Variants in LOC400499 observed in about 807,000 individuals in gnomAD.
chr16:11,449,927 G>C, the LOC400499 span, among the ~76,000 whole-genome samples: 1 of 152,238 alleles, frequency 6.6e-6, no homozygotes, highest in Non-Finnish European at 1.5e-5. Flanking sequence ...ATGCCCTCTG[G>C]TTGGGTGAAG....
At chr16:11,392,818 AC>A in the LOC400499 span, 2 of 982,162 alleles carry the variant, frequency 2.0e-6, no homozygotes, top group African/African-American at 3.5e-5. Flanking sequence ...CCACAGGAAC[AC>A]ATCACCCCCT....
the LOC400499 span, among the ~76,000 whole-genome samples, chr16:11,483,317 G>T: frequency 6.6e-6 from 1 of 152,088 alleles, no homozygotes; most frequent in African/African-American, 2.4e-5. Context: ...TTATTCAAGA[G>T]AAACAAAAGC....
At chr16:11,398,479 T>C in the LOC400499 span, 1 of 1,232,270 alleles carries the variant, frequency 8.1e-7, no homozygotes, top group Non-Finnish European at 1.0e-6. Context: ...GCCTCCATGA[T>C]GATCTTGTCT....
chr16:11,460,537 G>C, the LOC400499 span: 1 of 1,535,598 alleles, frequency 6.5e-7, no homozygotes, highest in Non-Finnish European at 8.7e-7. Context: ...CCAGCCTGTA[G>C]GCACCGTCTG....
chr16:11,525,145 G>A, the LOC400499 span, among the ~76,000 whole-genome samples: 31 of 152,112 alleles, frequency 2.0e-4, no homozygotes, highest in Admixed American at 1.7e-3. Context: ...TTAGCCGGGC[G>A]TGGTGGTGCA....
At chr16:11,481,016 C>A in the LOC400499 span, among the ~76,000 whole-genome samples, 1 of 152,194 alleles carries the variant, frequency 6.6e-6, no homozygotes, top group Non-Finnish European at 1.5e-5. Context: ...TATGACTTGA[C>A]CTTAGTTAGG....
the LOC400499 span, among the ~76,000 whole-genome samples, chr16:11,443,999 C>T: frequency 0.024 from 3,683 of 152,068 alleles, 144 homozygotes; most frequent in African/African-American, 0.084. Context: ...TATGCCCAGC[C>T]AATTTTTATA....
chr16:11,398,259 C>G, the LOC400499 span: 99,931 of 1,147,874 alleles, frequency 0.087, 4,632 homozygotes, highest in Middle Eastern at 0.1. Flanking sequence ...CGCTCACACC[C>G]CTGCATTCTG....
At chr16:11,493,734 C>A in the LOC400499 span, 1 of 395,758 alleles carries the variant, frequency 2.5e-6, no homozygotes, top group African/African-American at 2.1e-5. Flanking sequence ...AGGCACTCAA[C>A]GTAGGGGTGA....
At chr16:11,470,650 G>A in the LOC400499 span, 10 of 152,276 alleles carry the variant, frequency 6.6e-5, no homozygotes, top group Admixed American at 2.6e-4. Flanking sequence ...GACTGAGCAT[G>A]AGACACGCAG....
the LOC400499 span, chr16:11,475,814 C>G: frequency 2.5e-6 from 1 of 392,674 alleles, no homozygotes; most frequent in Non-Finnish European, 4.5e-6. Flanking sequence ...GGGGCAAATT[C>G]TACCCTGAGC....
chr16:11,449,331 C>G, the LOC400499 span, among the ~76,000 whole-genome samples: 1 of 152,158 alleles, frequency 6.6e-6, no homozygotes, highest in Non-Finnish European at 1.5e-5. Flanking sequence ...CAACCCTGAG[C>G]AGAAATAATT....
chr16:11,469,644 T>C, the LOC400499 span: 1 of 398,992 alleles, frequency 2.5e-6, no homozygotes, highest in Non-Finnish European at 4.4e-6. Context: ...GGGCTGTGGC[T>C]TCTTGGGGGA....
At chr16:11,408,494 G>A in the LOC400499 span, among the ~76,000 whole-genome samples, 1 of 137,402 alleles carries the variant, frequency 7.3e-6, no homozygotes, top group Non-Finnish European at 1.5e-5. Flanking sequence ...GGGTCTGTCT[G>A]CTCTGTCATC....
At chr16:11,383,920 C>T in the LOC400499 span, 225 of 1,231,928 alleles carry the variant, frequency 1.8e-4, no homozygotes, top group African/African-American at 3.0e-3. Context: ...GGAGTGGGGG[C>T]CCTCGAAGAA....
At chr16:11,485,788 C>G in the LOC400499 span, among the ~76,000 whole-genome samples, 6 of 152,312 alleles carry the variant, frequency 3.9e-5, no homozygotes, top group South Asian at 4.1e-4. Context: ...CACCAGAGAC[C>G]AGCCCTTGGC....
chr16:11,523,569 T>C, the LOC400499 span: 1 of 397,028 alleles, frequency 2.5e-6, no homozygotes, highest in Non-Finnish European at 4.4e-6. Flanking sequence ...GGGAAGAAGA[T>C]GAGAAATGAT....
At chr16:11,408,235 G>A in the LOC400499 span, among the ~76,000 whole-genome samples, 4 of 152,142 alleles carry the variant, frequency 2.6e-5, no homozygotes, top group South Asian at 2.1e-4. Flanking sequence ...TGCCCACCTC[G>A]GCCTCCCAAA....
At chr16:11,452,003 CA>C in the LOC400499 span, among the ~76,000 whole-genome samples, 2 of 152,146 alleles carry the variant, frequency 1.3e-5, no homozygotes, top group East Asian at 3.8e-4. Flanking sequence ...GCTTGATTGA[CA>C]GGGAAACCCA....
Sources: allele counts gnomAD v4.1 joint callset (sites outside exome capture counted in the v4.1 genomes callset), GRCh38; gene constraint gnomAD v4.1.1; transcripts MANE v1.5.